The following SLC14A2 variants were observed in gnomAD, a reference collection of about 807,000 sequenced individuals.
The protein encoded by SLC14A2 is solute carrier family 14 member 2.
A neutral mutation model predicts 104.6 loss-of-function variants in SLC14A2; 91 were observed. That is an observed-to-expected ratio of 0.87 (90% CI 0.73 to 1.04). SLC14A2 has a LOEUF of 1.04. Ranked by LOEUF, SLC14A2 falls within the 50% of genes least tolerant of loss-of-function variation. The pLI is 0.00. For synonymous variants in SLC14A2, 476 were observed against 466.4 expected (o/e 1.02, Z -0.27); for missense variants, 1,189 against 1,156.0 (o/e 1.03, Z -0.41).
At chr18:45,220,631 T>C (rs2084052568) in intron 1 of SLC14A2, among the ~76,000 whole-genome samples, 1 of 152,204 alleles carries the variant, frequency 6.6e-6, no homozygotes, top group African/African-American at 2.4e-5. Flanking sequence ...ACCATTATAT[T>C]TGCTGAAGGC....
chr18:45,391,387 C>T (rs546442229), intron 1 of SLC14A2, among the ~76,000 whole-genome samples: 26 of 152,300 alleles, frequency 1.7e-4, no homozygotes, highest in East Asian at 1.4e-3. Flanking sequence ...AATAAACATA[C>T]GTATGCATGT....
intron 2 of SLC14A2, among the ~76,000 whole-genome samples, chr18:45,506,532 C>G (rs1327007941): frequency 6.6e-6 from 1 of 151,926 alleles, no homozygotes; most frequent in East Asian, 1.9e-4. Flanking sequence ...TAGGGCGGAC[C>G]CAAAAATCCA....
At chr18:45,244,130 C>T (rs7235815) in intron 1 of SLC14A2, among the ~76,000 whole-genome samples, 4,975 of 152,198 alleles carry the variant, frequency 0.033, 224 homozygotes, top group African/African-American at 0.098. Context: ...GGCAAGTCTC[C>T]GAGCCCCCTG....
chr18:45,332,415 G>C (rs950774327), intron 1 of SLC14A2, among the ~76,000 whole-genome samples: 8 of 152,180 alleles, frequency 5.3e-5, no homozygotes, highest in Admixed American at 6.5e-5. Context: ...GATGTGTATA[G>C]GTTATATGAA....
intron 1 of SLC14A2, among the ~76,000 whole-genome samples, chr18:45,459,832 G>A (rs1053200514): frequency 2.6e-5 from 4 of 152,198 alleles, no homozygotes; most frequent in Non-Finnish European, 4.4e-5. Context: ...CGTTGAAAGC[G>A]TGGCCTGACT....
the SLC14A2 span, among the ~76,000 whole-genome samples, chr18:45,203,294 GAGA>G: frequency 6.6e-6 from 1 of 152,156 alleles, no homozygotes; most frequent in South Asian, 2.1e-4. Flanking sequence ...TTGATCACCT[GAGA>G]AGGACTCCAC....
chr18:45,634,998 T>C (rs2144535675), intron 5 of SLC14A2: 2 of 330,906 alleles, frequency 6.0e-6, no homozygotes, highest in Non-Finnish European at 1.2e-5. Context: ...ATAGAGGCAA[T>C]ATAACTTGTT....
intron 13 of SLC14A2, among the ~76,000 whole-genome samples, chr18:45,667,501 A>G (rs186091922): frequency 6.6e-6 from 1 of 152,170 alleles, no homozygotes; most frequent in Non-Finnish European, 1.5e-5. Context: ...AGCTCAGCCC[A>G]TGGGTTTAAT....
rs78532214 is a variant in SLC14A2 at position 45,506,571 on chromosome 18, G to A, written c.-35+23249G>A. Among the ~76,000 whole-genome samples the A allele has an allele frequency of 5.7e-3, 874 of 152,294 alleles. 52 individuals carry two copies. The East Asian group carries it at 0.15, about 25-fold the overall frequency. Reference sequence around the variant, plus strand: ...ATGGAAGAGACAGAAAAAGACATGAGAGAGAGAAACAAAGGGCATGTGAAG... The same window carrying A: ...ATGGAAGAGACAGAAAAAGACATGAAAGAGAGAAACAAAGGGCATGTGAAG... On this transcript the variant is annotated intron_variant, in intron 2 of 20. Coordinates refer to the SLC14A2 transcript ENST00000586448.
chr18:45,603,188 T>C (rs890768233), intron 2 of SLC14A2, among the ~76,000 whole-genome samples: 5 of 152,154 alleles, frequency 3.3e-5, no homozygotes, highest in African/African-American at 1.2e-4. Context: ...TGCTCAATCA[T>C]TCACAACAGT....
chr18:45,334,930 T>A (rs1218669828), intron 1 of SLC14A2, among the ~76,000 whole-genome samples: 2 of 152,260 alleles, frequency 1.3e-5, no homozygotes, highest in Admixed American at 6.5e-5. Flanking sequence ...TCTCGCTAAA[T>A]GTTCACCTCC....
intron 1 of SLC14A2, among the ~76,000 whole-genome samples, chr18:45,290,770 GTTTA>G (rs1568137656): frequency 1.3e-5 from 2 of 152,078 alleles, no homozygotes; most frequent in African/African-American, 4.8e-5. Flanking sequence ...AATTTCATCT[GTTTA>G]TTTTTAGTTA....
chr18:45,557,548 A>G (rs574196881), intron 2 of SLC14A2, among the ~76,000 whole-genome samples: 2 of 151,736 alleles, frequency 1.3e-5, no homozygotes, highest in South Asian at 4.2e-4. Flanking sequence ...TTCTCCTCTC[A>G]CCTCCCAAAA....
intron 1 of SLC14A2, among the ~76,000 whole-genome samples, chr18:45,320,329 C>T (rs1003495062): frequency 3.9e-5 from 6 of 152,096 alleles, no homozygotes; most frequent in African/African-American, 9.7e-5. Context: ...GACCCCTAGG[C>T]GAGATCTCTT....
rs72437878 is a variant in SLC14A2, at chr18:45,678,954, C to CTTTTTT, written c.2513-10_2513-5dup. On this transcript the variant is annotated intron_variant, in intron 18 of 19. Coordinates refer to ENST00000255226, the MANE Select transcript of SLC14A2 (RefSeq NM_007163.4). ...TAAATAGTTACTGGTCTATTTCTTT[C>CTTTTTT]TTTTTTTTTTTTTTTTCTAGCACTG... is the stretch of plus-strand genomic sequence containing the variant. The CTTTTTT allele has an allele frequency of 1.3e-4, 181 of 1,436,236 alleles. 1 individual carries two copies. Among genetic ancestry groups the CTTTTTT allele is most frequent in the East Asian group, 4.6e-4 (19 of 41,180 alleles). 89.0% of individuals were successfully genotyped at this position (1,436,236 alleles called of 1,614,324 possible). A position where few individuals can be genotyped will look rare whatever the true frequency, so the allele number is the denominator to read the frequency against.
chr18:45,401,932 CA>C (rs2086100584), intron 1 of SLC14A2, among the ~76,000 whole-genome samples: 1 of 152,222 alleles, frequency 6.6e-6, no homozygotes, highest in South Asian at 2.1e-4. Flanking sequence ...CTGTCTGCTT[CA>C]GACCCTGTTA....
chr18:45,433,637 A>G (rs1481627559), intron 1 of SLC14A2, among the ~76,000 whole-genome samples: 1 of 152,254 alleles, frequency 6.6e-6, no homozygotes, highest in Non-Finnish European at 1.5e-5. Flanking sequence ...TATGACATCA[A>G]TAAGTTTGTT....
chr18:45,514,771 G>A (rs565786924), intron 2 of SLC14A2, among the ~76,000 whole-genome samples: 3 of 152,262 alleles, frequency 2.0e-5, no homozygotes, highest in South Asian at 4.1e-4. Context: ...CCCTCGAAAC[G>A]TAGATGGGGA....
intron 2 of SLC14A2, among the ~76,000 whole-genome samples, chr18:45,534,555 A>G (rs2043751642): frequency 6.6e-6 from 1 of 152,144 alleles, no homozygotes; most frequent in South Asian, 2.1e-4. Flanking sequence ...ATGAATAATA[A>G]TAATAATAAC....
Sources: allele counts gnomAD v4.1 joint callset (sites outside exome capture counted in the v4.1 genomes callset), GRCh38; gene constraint gnomAD v4.1.1; transcripts MANE v1.5; gene names NCBI Gene and HGNC (gene_info 2026-07-23, HGNC 2026-07-21).